Variants in SLC26A2 observed in about 807,000 individuals in gnomAD.
SLC26A2 encodes sulfate transporter.
In SLC26A2, 36 loss-of-function variants were observed where a neutral mutation model predicts 41.1. The observed-to-expected ratio is 0.88, with a 90% CI of 0.67 to 1.16. SLC26A2 has a LOEUF of 1.16. SLC26A2 is among the 50% of genes most tolerant of loss of function. The probability of loss-of-function intolerance (pLI) is 0.00; values close to 1 mark genes in which losing one functional copy is unlikely to be tolerated. For synonymous variants in SLC26A2, 291 were observed against 311.6 expected (o/e 0.93, Z 0.70); for missense variants, 796 against 869.6 (o/e 0.92, Z 1.07).
intron 1 of SLC26A2, among the ~76,000 whole-genome samples, chr5:149,975,041 C>T (rs1754969436): frequency 6.6e-6 from 1 of 150,430 alleles, no homozygotes; most frequent in Admixed American, 6.6e-5. Flanking sequence ...TTTCTTCTGC[C>T]CATTCTCTCT....
In SLC26A2 at chr5:149,970,077, G is replaced by A. The variant is rs1329823311; in HGVS notation, c.-25-7551G>A. Among the ~76,000 whole-genome samples the A allele has an allele frequency of 2.0e-5, 3 of 152,172 alleles. No homozygotes were observed. The East Asian group carries it at 5.8e-4, about 29-fold the overall frequency. On this transcript the variant is annotated intron_variant, in intron 1 of 2. Transcript: ENST00000286298. Reference sequence around the variant, plus strand: ...AAGAAAGACTGTAAATAATAGTTTTGCTTATAAGTAATATAATTTCAGAAG... The same window carrying A: ...AAGAAAGACTGTAAATAATAGTTTTACTTATAAGTAATATAATTTCAGAAG...
rs1477246885 is a variant in SLC26A2, at chr5:149,981,051, C to T, written c.1458C>T (p.Ile486=). ...TTCAAAAAAGTGTCCTTGGTGTGAT[C>T]ACAATTGTAAATCTACGGGGAGCCC... ...YSLQKSVLGV[I]TIVNLRGALR... is the part of the protein sequence containing the mutation. Residue 486 remains isoleucine, a synonymous_variant, in exon 3 of 3, where the codon ATC becomes ATT. Coordinates refer to ENST00000286298, the MANE Select transcript of SLC26A2 (RefSeq NM_000112.4). The T allele has an allele frequency of 6.2e-7, 1 of 1,614,152 alleles. No homozygotes were observed. Among genetic ancestry groups the T allele is most frequent in the Non-Finnish European group, 8.5e-7 (1 of 1,180,018 alleles).
At position 149,969,819 on chromosome 5, in the gene SLC26A2, T is replaced by C. The variant is rs536679092; in HGVS notation, c.-25-7809T>C. ...ATCTTTCACTTGCCTGAGTTACCTT[T>C]TCCCTTTCTATTAACGTTGCAGCTT... is the stretch of plus-strand genomic sequence containing the variant. On this transcript the variant is annotated intron_variant, in intron 1 of 2. Transcript: ENST00000286298. Among the ~76,000 whole-genome samples the C allele has an allele frequency of 2.0e-5, 3 of 152,348 alleles. No individual in the cohort carries two copies. In the South Asian group the frequency reaches 6.2e-4, roughly 32 times the overall value.
intron 1 of SLC26A2, among the ~76,000 whole-genome samples, chr5:149,968,756 T>TTTGAGCCAC (rs1754850247): frequency 7.0e-6 from 1 of 142,612 alleles, no homozygotes; most frequent in Non-Finnish European, 1.5e-5. Context: ...TCTCGGTCTG[T>TTTGAGCCAC]TGCCGCAGCT....
chr5:149,969,002 A>G (rs1754856214), intron 1 of SLC26A2, among the ~76,000 whole-genome samples: 2 of 152,126 alleles, frequency 1.3e-5, no homozygotes, highest in African/African-American at 2.4e-5. Context: ...TTGGCCTCCC[A>G]AAGTGCTGGG....
chr5:149,969,526 CT>C (rs1249227549), intron 1 of SLC26A2, among the ~76,000 whole-genome samples: 2 of 152,158 alleles, frequency 1.3e-5, no homozygotes, highest in Non-Finnish European at 2.9e-5. Context: ...ATCATCCTTC[CT>C]TTTGTGTGAT....
Position 149,981,067 on chromosome 5 carries a change from C to T in SLC26A2, c.1474C>T (p.Arg492Trp), listed in dbSNP as rs78676079. The change falls in exon 3 of 3, where the codon CGG becomes TGG. Residue 492 changes from arginine to tryptophan, a missense_variant. Transcript: ENST00000286298. ...VLGVITIVNL[R>W]GALRKFRDLP... Reference sequence around the variant, plus strand: ...TGGTGTGATCACAATTGTAAATCTACGGGGAGCCCTTCGTAAATTTAGGGA... The same window carrying T: ...TGGTGTGATCACAATTGTAAATCTATGGGGAGCCCTTCGTAAATTTAGGGA... 33,443 of 1,614,088 alleles carry T rather than the reference C, an allele frequency of 0.021. 428 individuals carry two copies. Among genetic ancestry groups the T allele is most frequent in the Non-Finnish European group, 0.024 (28,542 of 1,179,964 alleles).
chr5:149,977,809 A>G lies in SLC26A2; in HGVS notation c.157A>G (p.Arg53Gly). 1.2e-6 allele frequency: 2 copies of G among 1,614,084 alleles called. No homozygotes were observed. The highest frequency in any genetic ancestry group is 1.7e-6 in the Non-Finnish European group (2 of 1,179,920). The stretch of plus-strand genomic sequence containing the variant: ...CAATGATCAATGCAGACCTTATCAT[A>G]GGATCCTTATTGAGCGTCAAGAGAA... The part of the protein sequence containing the change: ...ETNDQCRPYH[R>G]ILIERQEKSD... Residue 53 changes from arginine (R) to glycine (G), a missense_variant, in exon 2 of 3, where the codon AGG (arginine) becomes GGG (glycine). Arg to Gly is a moderately radical substitution (Grantham distance 125). Transcript: ENST00000286298.
At chr5:149,972,503 T>C (rs975714483) in intron 1 of SLC26A2, among the ~76,000 whole-genome samples, 7 of 152,186 alleles carry the variant, frequency 4.6e-5, no homozygotes, top group South Asian at 2.1e-4. Flanking sequence ...TTCAGAAATA[T>C]CTGAAATTAG....
At chr5:149,971,032 G>C (rs1213513937) in intron 1 of SLC26A2, among the ~76,000 whole-genome samples, 1 of 152,222 alleles carries the variant, frequency 6.6e-6, no homozygotes, top group Non-Finnish European at 1.5e-5. Flanking sequence ...GCTGGAGAAG[G>C]CTTGTTGACA....
intron 1 of SLC26A2, among the ~76,000 whole-genome samples, chr5:149,974,088 A>C (rs1754949695): frequency 6.6e-6 from 1 of 152,224 alleles, no homozygotes; most frequent in African/African-American, 2.4e-5. Flanking sequence ...GTTCGAGGCC[A>C]TGGTGAGCCA....
chr5:149,963,653 G>C (rs1042385294), intron 1 of SLC26A2, among the ~76,000 whole-genome samples: 2 of 150,822 alleles, frequency 1.3e-5, no homozygotes, highest in Admixed American at 6.6e-5. Context: ...GGCCTCAGGT[G>C]ATCCACCTGC....
Position 149,980,526 on chromosome 5 carries a change from C to T in SLC26A2, c.933C>T (p.Cys311=), listed in dbSNP as rs756079716. 1.1e-5 allele frequency: 18 copies of T among 1,614,050 alleles called. No individual in the cohort carries two copies. The highest frequency in any genetic ancestry group is 4.0e-5 in the African/African-American group (3 of 74,938). The change falls in exon 3 of 3, where the codon TGC becomes TGT. Residue 311 remains cysteine, a synonymous_variant. Coordinates refer to ENST00000286298, the MANE Select transcript of SLC26A2 (RefSeq NM_000112.4). ...GTGATCTTATCACCAGCCTTTTGTG[C>T]CTTTTGGTTCTTTTGCCAACCAAAG... is the stretch of plus-strand genomic sequence containing the variant. The part of the protein sequence containing the change: ...NLCDLITSLL[C]LLVLLPTKEL...
At position 149,977,601 on chromosome 5, in the gene SLC26A2, T is replaced by C. The variant is rs1183208949; in HGVS notation, c.-25-27T>C. 3.5e-6 allele frequency: 4 copies of C among 1,138,624 alleles called. No homozygotes were observed. In the Admixed American group the frequency reaches 6.7e-5, roughly 19 times the overall value. The allele number at this position is 1,138,624 out of a possible 1,614,324, so 70.5% of individuals were successfully genotyped here. On this transcript the variant is annotated intron_variant, in intron 1 of 2. Transcript: ENST00000286298. Reference sequence around the variant, plus strand: ...TGAGCACTGAGAATTACTTTATTGATGAACACTGGTATTTTCTCTGGTGTA... The same window carrying C: ...TGAGCACTGAGAATTACTTTATTGACGAACACTGGTATTTTCTCTGGTGTA...
rs756361392 is a variant in SLC26A2, at chr5:149,981,412, A to G, written c.1819A>G (p.Ile607Val). ...SALYKQTVNP[I>V]LIKVAWKKAA... The stretch of plus-strand genomic sequence containing the variant: ...TTTATACAAACAAACTGTCAACCCA[A>G]TCTTAATAAAGGTGGCTTGGAAGAA... The change falls in exon 3 of 3, where the codon ATC becomes GTC. Residue 607 changes from isoleucine (I) to valine (V), a missense_variant. By Grantham distance (29) the Ile-to-Val change is conservative. Coordinates refer to ENST00000286298, the MANE Select transcript of SLC26A2 (RefSeq NM_000112.4). 67 of 1,614,040 alleles carry G rather than the reference A, an allele frequency of 4.2e-5. No homozygotes were observed. The highest frequency in any genetic ancestry group is 7.7e-5 in the South Asian group (7 of 91,082).
chr5:149,970,210 G>A (rs1460893289), intron 1 of SLC26A2, among the ~76,000 whole-genome samples: 1 of 152,024 alleles, frequency 6.6e-6, no homozygotes, highest in Admixed American at 6.6e-5. Flanking sequence ...CTGTGAGGAG[G>A]TGACATATAA....
At position 149,960,974 on chromosome 5, in the gene SLC26A2, C is replaced by G. The variant is rs1416582168; in HGVS notation, c.-31C>G. ...CTGGTTGCCTGCAGCGGCCCGGACC[C>G]GAGAGGTGAGAAGAGGGAAGCGGAC... On this transcript the variant is annotated 5_prime_UTR_variant, in exon 1 of 3. Coordinates refer to ENST00000286298, the MANE Select transcript of SLC26A2 (RefSeq NM_000112.4). The G allele has an allele frequency of 6.6e-6, 1 of 152,624 alleles. No homozygotes were observed. The highest frequency in any genetic ancestry group is 1.5e-5 in the Non-Finnish European group (1 of 68,372). 9.5% of individuals were successfully genotyped at this position (152,624 alleles called of 1,614,324 possible). A position where few individuals can be genotyped will look rare whatever the true frequency, so the allele number is the denominator to read the frequency against.
Position 149,965,479 on chromosome 5 carries a change from C to CAAAA in SLC26A2, c.-26+4520_-26+4523dup, listed in dbSNP as rs55779255. Reference sequence around the variant, plus strand: ...TGGGCAACAGAGCAAGACTCTGTCTCAAAAAAAAAAAAAAAAAAAAAAAGC... The same window carrying CAAAA: ...TGGGCAACAGAGCAAGACTCTGTCTCAAAAAAAAAAAAAAAAAAAAAAAAAAAGC... On this transcript the variant is annotated intron_variant, in intron 1 of 2. Transcript: ENST00000286298. 1.0e-3 allele frequency among the ~76,000 whole-genome samples: 64 copies of CAAAA among 63,928 alleles called. 1 individual carries two copies. The highest frequency in any genetic ancestry group is 3.2e-3 in the African/African-American group (52 of 16,178). The allele number at this position is 63,928 out of a possible 152,430, so 41.9% of individuals were successfully genotyped here.
rs1008940608 is a variant in SLC26A2 at position 149,985,815 on chromosome 5, A to G, written c.*4002A>G. The G allele has an allele frequency of 6.6e-6, 1 of 152,178 alleles. No homozygotes were observed. Among genetic ancestry groups the G allele is most frequent in the Non-Finnish European group, 1.5e-5 (1 of 68,048 alleles). 9.4% of individuals were successfully genotyped at this position (152,178 alleles called of 1,614,324 possible). A position where few individuals can be genotyped will look rare whatever the true frequency, so the allele number is the denominator to read the frequency against. ...CTAGGACCCTGGGCCAAGTGCTGGG[A>G]CTATGGTACTAAATCCAGTAGATGG... On this transcript the variant is annotated 3_prime_UTR_variant, in exon 3 of 3. Coordinates refer to ENST00000286298, the MANE Select transcript of SLC26A2 (RefSeq NM_000112.4).
Sources: allele counts gnomAD v4.1 joint callset (sites outside exome capture counted in the v4.1 genomes callset), GRCh38; gene constraint gnomAD v4.1.1; transcripts MANE v1.5; gene names NCBI Gene and HGNC (gene_info 2026-07-23, HGNC 2026-07-21).